The following CARS2 variants were observed in gnomAD, a reference collection of about 807,000 sequenced individuals.
CARS2 encodes the protein cysteinyl-tRNA synthetase 2, mitochondrial, also known as probable cysteine--tRNA ligase, mitochondrial.
A neutral mutation model predicts 68.8 loss-of-function variants in CARS2; 52 were observed. The observed-to-expected ratio is 0.76, with a 90% CI of 0.61 to 0.95. The LOEUF (loss-of-function observed/expected upper bound fraction) is 0.95. CARS2 is among the 40% of genes least tolerant of loss of function. CARS2 has a pLI of 0.00. For synonymous variants in CARS2, 314 were observed against 303.6 expected (o/e 1.03, Z -0.36); for missense variants, 780 against 754.2 (o/e 1.03, Z -0.40).
intron 10 of CARS2, 113 bp from the exon 11 acceptor site, chr13:110,647,352 G>A (rs930594467): frequency 6.7e-6 from 9 of 1,335,420 alleles, no homozygotes; most frequent in South Asian, 1.4e-5. Flanking sequence ...CACACGGAGA[G>A]CGGGACATGT....
intron 1 of CARS2, among the ~76,000 whole-genome samples, chr13:110,711,747 C>T (rs1428450663): frequency 1.3e-5 from 2 of 152,212 alleles, no homozygotes; most frequent in African/African-American, 4.8e-5. Context: ...ATCCATTTAT[C>T]ATTGCAGCAA....
At chr13:110,648,235 C>T (rs1164957931) in intron 10 of CARS2, 2 of 152,150 alleles carry the variant, frequency 1.3e-5, no homozygotes, top group African/African-American at 4.8e-5. Flanking sequence ...GCCAGAAACC[C>T]ACAAAGCGAT....
rs140488394 is a variant in CARS2, at chr13:110,653,199, ATG to A, written c.988-2101_988-2100del. On this transcript the variant is annotated intron_variant, in intron 9 of 14. Coordinates refer to ENST00000257347, the MANE Select transcript of CARS2 (RefSeq NM_024537.4). The surrounding 1 kb of genome is among the most constrained non-coding windows in gnomAD (Gnocchi z 5.6). Reference sequence around the variant, plus strand: ...CTGGGGTGGGGAGGGGGGCTGGGGTATGTGTGTGTGTGTGTTTGTGTGTGTGT... The same window carrying A: ...CTGGGGTGGGGAGGGGGGCTGGGGTATGTGTGTGTGTGTTTGTGTGTGTGT... 6.7e-6 allele frequency among the ~76,000 whole-genome samples: 1 copy of A among 148,812 alleles called. No homozygotes were observed.
Position 110,642,492 on chromosome 13 carries a change from G to C in CARS2, c.1446C>G (p.Thr482=), listed in dbSNP as rs372084282. Reference sequence around the variant, plus strand: ...CCAGCTCGTCCACCACACCATGCAAGGTAGCCTCGCTGCCGTCTCCTGAAA... The same window carrying C: ...CCAGCTCGTCCACCACACCATGCAACGTAGCCTCGCTGCCGTCTCCTGAAA... ...QYVSGDGSEA[T]LHGVVDELVR... The change falls in exon 14 of 15, where the codon ACC becomes ACG. Residue 482 remains threonine (T), a synonymous_variant. Coordinates refer to ENST00000257347, the MANE Select transcript of CARS2 (RefSeq NM_024537.4). 17 of 1,608,968 alleles carry C rather than the reference G, an allele frequency of 1.1e-5. No homozygotes were observed. Among genetic ancestry groups the C allele is most frequent in the South Asian group, 4.4e-5 (4 of 90,190 alleles).
At chr13:110,712,724 T>G in intron 1 of CARS2, 1 of 694,494 alleles carries the variant, frequency 1.4e-6, no homozygotes, top group Non-Finnish European at 2.6e-6. Context: ...CCTTTCCAAG[T>G]GTGGGGAGCG....
intron 11 of CARS2, chr13:110,646,767 C>T: frequency 3.9e-6 from 1 of 254,232 alleles, no homozygotes; most frequent in Middle Eastern, 1.2e-3. Context: ...AGGCACACTT[C>T]CTGCCAGCGC....
chr13:110,646,015 G>A lies in CARS2; in HGVS notation c.1269C>T (p.Ile423=), dbSNP rs1178279458. Residue 423 remains isoleucine, a synonymous_variant, in exon 12 of 15, where the codon ATC becomes ATT. Transcript: ENST00000257347. ...DFDTPRVVDA[I]LGLAHHGNGQ... ...CATTCCCGTGGTGTGCAAGGCCCAGGATGGCATCAACCACCCTGGGTGTGT... is the reference window on the plus strand; with the variant it reads ...CATTCCCGTGGTGTGCAAGGCCCAGAATGGCATCAACCACCCTGGGTGTGT... 7 of 1,613,896 alleles carry A rather than the reference G, an allele frequency of 4.3e-6. No individual in the cohort carries two copies. Among genetic ancestry groups the A allele is most frequent in the Non-Finnish European group, 5.9e-6 (7 of 1,179,984 alleles).
At chr13:110,652,652 C>T (rs1489371476) in intron 9 of CARS2, among the ~76,000 whole-genome samples, 1 of 152,186 alleles carries the variant, frequency 6.6e-6, no homozygotes, top group Admixed American at 6.5e-5. Context: ...CACCCCACAG[C>T]CCAACTCCTG....
chr13:110,705,650 T>A lies in CARS2; in HGVS notation c.225-79A>T. The A allele has an allele frequency of 4.0e-6, 6 of 1,504,528 alleles. No individual in the cohort carries two copies. The highest frequency in any genetic ancestry group is 5.5e-6 in the Non-Finnish European group (6 of 1,085,356). 93.2% of individuals were successfully genotyped at this position (1,504,528 alleles called of 1,614,324 possible). The stretch of plus-strand genomic sequence containing the variant: ...TCGATTCTGAGTTATAATGATCATA[T>A]AATTTTTAAAGTAATCACTTCTGGG... On this transcript the variant is annotated intron_variant, in intron 1 of 14. Transcript: ENST00000257347. This position sits in a 1 kb window ranked among gnomAD's most constrained non-coding sequence, Gnocchi z 4.0.
chr13:110,663,757 G>C (rs995357704), intron 8 of CARS2: 4 of 1,265,042 alleles, frequency 3.2e-6, no homozygotes, highest in African/African-American at 1.5e-5. Flanking sequence ...AGATGGCAGG[G>C]GTGCCCCAGC....
chr13:110,681,076 G>A (rs1178678647), intron 6 of CARS2, among the ~76,000 whole-genome samples: 1 of 152,144 alleles, frequency 6.6e-6, no homozygotes, highest in African/African-American at 2.4e-5. Context: ...ATTTTTGTTT[G>A]TTTGGTAGAG....
chr13:110,646,981 C>G, intron 11 of CARS2, 120 bp downstream of exon 11: 1 of 1,274,136 alleles, frequency 7.8e-7, no homozygotes, highest in Non-Finnish European at 1.1e-6. Context: ...GTCCCTGACC[C>G]CAAACCTCCT....
At position 110,688,003 on chromosome 13, in the gene CARS2, C is replaced by G. The variant is rs371620375; in HGVS notation, c.409G>C (p.Ala137Pro). 4 of 1,609,904 alleles carry G rather than the reference C, an allele frequency of 2.5e-6. No homozygotes were observed. The highest frequency in any genetic ancestry group is 3.4e-6 in the Non-Finnish European group (4 of 1,177,878). Residue 137 changes from alanine to proline, a missense_variant, in exon 4 of 15, where the codon GCT becomes CCT. Ala to Pro is a conservative substitution (Grantham distance 27). Transcript: ENST00000257347. ...KRANEMNISP[A>P]SLASLYEEDF... is the part of the protein sequence containing the mutation. ...TCCTCATAAAGACTGGCGAGGGAAG[C>G]GGGGGAAATATTCATCTGCAGAAGG...
At chr13:110,691,182 A>G (rs2063450101) in intron 3 of CARS2, among the ~76,000 whole-genome samples, 1 of 152,010 alleles carries the variant, frequency 6.6e-6, no homozygotes, top group Admixed American at 6.6e-5. Context: ...TGCATGGCTA[A>G]TTTTTGTATT....
chr13:110,700,560 T>C (rs1261214169), intron 3 of CARS2, among the ~76,000 whole-genome samples: 2 of 152,262 alleles, frequency 1.3e-5, no homozygotes, highest in Non-Finnish European at 1.5e-5. Context: ...ATCTTTGTAC[T>C]ATTCTTGTCA....
chr13:110,662,236 C>T (rs1437527716), intron 9 of CARS2, among the ~76,000 whole-genome samples: 6 of 131,366 alleles, frequency 4.6e-5, no homozygotes, highest in African/African-American at 1.8e-4. Context: ...ACCCCACGGC[C>T]GGGTTCGGAC....
chr13:110,711,672 G>A (rs1291199347), intron 1 of CARS2, among the ~76,000 whole-genome samples: 1 of 152,236 alleles, frequency 6.6e-6, no homozygotes, highest in Non-Finnish European at 1.5e-5. Flanking sequence ...CTCTCCTGCT[G>A]TGTAGGTGAG....
chr13:110,663,443 C>A lies in CARS2; in HGVS notation c.987+8G>T. The A allele has an allele frequency of 6.2e-7, 1 of 1,611,432 alleles. No homozygotes were observed. Among genetic ancestry groups the A allele is most frequent in the South Asian group, 1.1e-5 (1 of 90,658 alleles). ...CACCTCAGAGATACAATACAAAAAG[C>A]ACGTTACCTTAATAGTAATGTAGTT... is the stretch of plus-strand genomic sequence containing the variant. On this transcript the variant is annotated splice_region_variant and intron_variant, in intron 9 of 14. Coordinates refer to ENST00000257347, the MANE Select transcript of CARS2 (RefSeq NM_024537.4).
chr13:110,654,491 T>A (rs1263982667), intron 9 of CARS2, among the ~76,000 whole-genome samples: 1 of 152,036 alleles, frequency 6.6e-6, no homozygotes, highest in African/African-American at 2.4e-5. Context: ...TCCAAGGAAC[T>A]ATGGGCTAGG....
Sources: gnomAD v4.1 joint callset for allele counts (sites outside exome capture counted in the v4.1 genomes callset) on GRCh38, gnomAD v4.1.1 for gene constraint, Gnocchi (gnomAD v3.1) non-coding constraint, MANE v1.5 for transcripts, NCBI Gene and HGNC (gene_info 2026-07-23, HGNC 2026-07-21) for gene names.